The following SEPTIN9 variants were observed in gnomAD, a reference collection of about 807,000 sequenced individuals.
SEPTIN9 encodes septin 9.
A neutral mutation model predicts 56.6 loss-of-function variants in SEPTIN9; 13 were observed. That is an observed-to-expected ratio of 0.23 (90% CI 0.15 to 0.37). SEPTIN9 has a LOEUF of 0.37. SEPTIN9 is among the 10% of genes least tolerant of loss of function. SEPTIN9 has a pLI of 1.00. For missense variants in SEPTIN9, 650 were observed against 823.1 expected (o/e 0.79, Z 2.57); for synonymous variants, 332 against 334.1 (o/e 0.99, Z 0.07).
rs1477653512 is a variant in SEPTIN9 at position 77,484,418 on chromosome 17, A to G, written c.913+2083A>G. Among the ~76,000 whole-genome samples, 15 of 116,406 alleles carry G rather than the reference A, an allele frequency of 1.3e-4. 1 individual carries two copies. The highest frequency in any genetic ancestry group is 4.9e-4 in the African/African-American group (13 of 26,484). The allele number at this position is 116,406 out of a possible 152,430, so 76.4% of individuals were successfully genotyped here. Reference sequence around the variant, plus strand: ...TGGTGACAGTGGTGGGATGGTAGTGATGATGTGGGTGATGGTGATGGTGGT... The same window carrying G: ...TGGTGACAGTGGTGGGATGGTAGTGGTGATGTGGGTGATGGTGATGGTGGT... On this transcript the variant is annotated intron_variant, in intron 4 of 11. Transcript: ENST00000427177.
chr17:77,387,305 A>T (rs767887654), intron 2 of SEPTIN9, among the ~76,000 whole-genome samples: 4 of 152,116 alleles, frequency 2.6e-5, no homozygotes, highest in Non-Finnish European at 1.5e-5. Context: ...CCGTCTTCAC[A>T]TGGCCTTTTC....
Position 77,389,548 on chromosome 17 carries a change from G to A in SEPTIN9, c.77-12511G>A, listed in dbSNP as rs1012290101. Among the ~76,000 whole-genome samples the A allele has an allele frequency of 6.6e-6, 1 of 152,148 alleles. No individual in the cohort carries two copies. Among genetic ancestry groups the A allele is most frequent in the African/African-American group, 2.4e-5 (1 of 41,426 alleles). ...AATCACCTCCCAGGGCCTCGCTCCTGCCTTCAGCGACAGCCATTTATCAGG... is the reference window on the plus strand; with the variant it reads ...AATCACCTCCCAGGGCCTCGCTCCTACCTTCAGCGACAGCCATTTATCAGG... On this transcript the variant is annotated intron_variant, in intron 2 of 11. Coordinates refer to ENST00000427177, the MANE Select transcript of SEPTIN9 (RefSeq NM_001113491.2). The surrounding 1 kb of genome is among the most constrained non-coding windows in gnomAD (Gnocchi z 4.3).
At chr17:77,346,277 T>A (rs1233379691) in intron 2 of SEPTIN9, among the ~76,000 whole-genome samples, 1 of 119,190 alleles carries the variant, frequency 8.4e-6, no homozygotes, top group African/African-American at 3.2e-5. Context: ...GATCCTTAGG[T>A]CTTTTTTTTT....
At chr17:77,320,288 A>T (rs2032861672) in intron 2 of SEPTIN9, 16 of 1,611,784 alleles carry the variant, frequency 9.9e-6, no homozygotes, top group Non-Finnish European at 1.4e-5. Context: ...TCTGAGCGGG[A>T]CGCCGGGACT....
chr17:77,291,031 AT>A (rs869237556), intron 1 of SEPTIN9, among the ~76,000 whole-genome samples: 23,772 of 108,560 alleles, frequency 0.22, 2,855 homozygotes, highest in African/African-American at 0.4. Flanking sequence ...TGCCTGGCTA[AT>A]TTTTTTTTTT....
In SEPTIN9 at chr17:77,449,200, C is replaced by G. The variant is rs957733786; in HGVS notation, c.722-32944C>G. On this transcript the variant is annotated intron_variant, in intron 3 of 11. Transcript: ENST00000427177. This position sits in a 1 kb window ranked among gnomAD's most constrained non-coding sequence, Gnocchi z 4.6. ...CAGCCGAGAAGGCTCTGGGGCTGCT[C>G]TACCTGAATGCTGAGTGTGTGCTGA... 1.3e-5 allele frequency among the ~76,000 whole-genome samples: 2 copies of G among 152,170 alleles called. No individual in the cohort carries two copies. The highest frequency in any genetic ancestry group is 2.9e-5 in the Non-Finnish European group (2 of 68,026).
In SEPTIN9 at chr17:77,493,092, G is replaced by A. The variant is rs372341513; in HGVS notation, c.1573+16G>A. Reference sequence around the variant, plus strand: ...ACCATCGAAGGTACTCGCCGCAGGCGCCGGGGCTCCAGACAGATGGGAAGA... The same window carrying A: ...ACCATCGAAGGTACTCGCCGCAGGCACCGGGGCTCCAGACAGATGGGAAGA... On this transcript the variant is annotated intron_variant, in intron 10 of 11. Coordinates refer to ENST00000427177, the MANE Select transcript of SEPTIN9 (RefSeq NM_001113491.2). 4.1e-5 allele frequency: 63 copies of A among 1,539,680 alleles called. No homozygotes were observed. The highest frequency in any genetic ancestry group is 3.9e-4 in the South Asian group (33 of 83,848).
At position 77,323,388 on chromosome 17, in the gene SEPTIN9, C is replaced by T. The variant is rs1486541321; in HGVS notation, c.76+16191C>T. Among the ~76,000 whole-genome samples the T allele has an allele frequency of 6.6e-6, 1 of 152,160 alleles. No homozygotes were observed. Among genetic ancestry groups the T allele is most frequent in the African/African-American group, 2.4e-5 (1 of 41,436 alleles). ...CTTGTTCCAAGAGCTTGTATTTCAG[C>T]AGGGAGAGAGTCTCCAAGAAGGGAA... On this transcript the variant is annotated intron_variant, in intron 2 of 11. Coordinates refer to ENST00000427177, the MANE Select transcript of SEPTIN9 (RefSeq NM_001113491.2). This position sits in a 1 kb window ranked among gnomAD's most constrained non-coding sequence, Gnocchi z 6.8.
Position 77,317,128 on chromosome 17 carries a change from C to T in SEPTIN9, c.76+9931C>T, listed in dbSNP as rs191284539. ...AGCTGAGCCCTGGCTCCGTCTGTGG[C>T]GCTGCATCAGTTTCCTGCAGCTGCT... is the stretch of plus-strand genomic sequence containing the variant. On this transcript the variant is annotated intron_variant, in intron 2 of 11. Coordinates refer to ENST00000427177, the MANE Select transcript of SEPTIN9 (RefSeq NM_001113491.2). This position sits in a 1 kb window ranked among gnomAD's most constrained non-coding sequence, Gnocchi z 4.2. 1.2e-3 allele frequency among the ~76,000 whole-genome samples: 187 copies of T among 152,292 alleles called. No homozygotes were observed. The highest frequency in any genetic ancestry group is 2.0e-3 in the Non-Finnish European group (137 of 68,022).
intron 2 of SEPTIN9, among the ~76,000 whole-genome samples, chr17:77,351,622 C>T (rs767302006): frequency 2.8e-4 from 43 of 152,222 alleles, no homozygotes; most frequent in Non-Finnish European, 5.6e-4. Flanking sequence ...CCCTTGGAGG[C>T]CCTGCCCCTG....
chr17:77,444,373 A>T (rs764972273), intron 3 of SEPTIN9, among the ~76,000 whole-genome samples: 1 of 151,914 alleles, frequency 6.6e-6, no homozygotes, highest in Non-Finnish European at 1.5e-5. Flanking sequence ...GGGAGCAGTC[A>T]TAGGGTGGAA....
chr17:77,416,901 C>T (rs930725706), intron 3 of SEPTIN9, among the ~76,000 whole-genome samples: 1 of 152,260 alleles, frequency 6.6e-6, no homozygotes, highest in Non-Finnish European at 1.5e-5. Context: ...CCATAAGCCA[C>T]TGGGCCCACC....
At chr17:77,479,003 G>A (rs2039338409) in intron 3 of SEPTIN9, among the ~76,000 whole-genome samples, 1 of 152,194 alleles carries the variant, frequency 6.6e-6, no homozygotes, top group Non-Finnish European at 1.5e-5. Context: ...CAGCAGAATG[G>A]AGGTTGCCAG....
At position 77,451,581 on chromosome 17, in the gene SEPTIN9, C is replaced by T. The variant is rs370788097; in HGVS notation, c.722-30563C>T. Reference sequence around the variant, plus strand: ...GCCTTGCACCACTGGCTCGGGGGCTCTCAGGTGGCGCGGCCGCGAGGCGGA... The same window carrying T: ...GCCTTGCACCACTGGCTCGGGGGCTTTCAGGTGGCGCGGCCGCGAGGCGGA... On this transcript the variant is annotated intron_variant, in intron 3 of 11. Coordinates refer to ENST00000427177, the MANE Select transcript of SEPTIN9 (RefSeq NM_001113491.2). The surrounding 1 kb of genome is among the most constrained non-coding windows in gnomAD (Gnocchi z 4.2). 1.4e-5 allele frequency: 14 copies of T among 982,742 alleles called. No individual in the cohort carries two copies. The highest frequency in any genetic ancestry group is 5.2e-4 in the Middle Eastern group (1 of 1,912). The allele number at this position is 982,742 out of a possible 1,614,324, so 60.9% of individuals were successfully genotyped here. A position where few individuals can be genotyped will look rare whatever the true frequency, so the allele number is the denominator to read the frequency against.
intron 3 of SEPTIN9, among the ~76,000 whole-genome samples, chr17:77,458,918 A>T (rs1405083113): frequency 1.3e-5 from 2 of 152,200 alleles, no homozygotes; most frequent in Non-Finnish European, 2.9e-5. Context: ...CAGCTCAGAT[A>T]TAGGGGCAAC....
At chr17:77,473,817 T>C (rs886558068) in intron 3 of SEPTIN9, among the ~76,000 whole-genome samples, 1 of 152,246 alleles carries the variant, frequency 6.6e-6, no homozygotes, top group African/African-American at 2.4e-5. Context: ...TTTTTGTTAC[T>C]GTGAAGTAGA....
chr17:77,499,007 GC>G lies in SEPTIN9; in HGVS notation c.*351del. 2 of 540,626 alleles carry G rather than the reference GC, an allele frequency of 3.7e-6. No homozygotes were observed. The highest frequency in any genetic ancestry group is 7.2e-6 in the Non-Finnish European group (2 of 279,552). The allele number at this position is 540,626 out of a possible 1,614,324, so 33.5% of individuals were successfully genotyped here. A position where few individuals can be genotyped will look rare whatever the true frequency, so the allele number is the denominator to read the frequency against. ...CTGTGTGGGGTTCTCAGTGCCGGAG[GC>G]CTTGGGGTGGGGGCCAGGCCTCGCA... On this transcript the variant is annotated 3_prime_UTR_variant, in exon 12 of 12. Coordinates refer to ENST00000427177, the MANE Select transcript of SEPTIN9 (RefSeq NM_001113491.2).
At chr17:77,301,731 G>T (rs1288392968) in intron 1 of SEPTIN9, among the ~76,000 whole-genome samples, 1 of 152,168 alleles carries the variant, frequency 6.6e-6, no homozygotes, top group Non-Finnish European at 1.5e-5. Flanking sequence ...ATTCTTTTCT[G>T]TAGATGACTT....
chr17:77,362,651 C>T (rs113871917), intron 2 of SEPTIN9, among the ~76,000 whole-genome samples: 95 of 152,304 alleles, frequency 6.2e-4, no homozygotes, highest in African/African-American at 1.9e-3. Flanking sequence ...CCTGTGCCTT[C>T]GCAGTCTGAG....
Sources: gnomAD v4.1 joint callset for allele counts (sites outside exome capture counted in the v4.1 genomes callset) on GRCh38, gnomAD v4.1.1 for gene constraint, Gnocchi (gnomAD v3.1) non-coding constraint, MANE v1.5 for transcripts, NCBI Gene and HGNC (gene_info 2026-07-23, HGNC 2026-07-21) for gene names.